SPAG17: variants seen among roughly 807,000 people sequenced by gnomAD.
SPAG17 encodes sperm-associated antigen 17.
In SPAG17, 169 loss-of-function variants were observed where a neutral mutation model predicts 273.6. The ratio of observed to expected loss-of-function variants is 0.62; its 90% confidence interval spans 0.55 to 0.70. The LOEUF is 0.70. Among genes scored for constraint, SPAG17 ranks in the 30% least tolerant of loss-of-function variants. SPAG17 has a pLI of 0.00. For synonymous variants in SPAG17, 825 were observed against 873.2 expected (o/e 0.94, Z 0.97); for missense variants, 2,557 against 2,627.8 (o/e 0.97, Z 0.59).
At chr1:118,069,684 A>G (rs1468251435) in intron 17 of SPAG17, among the ~76,000 whole-genome samples, 1 of 152,226 alleles carries the variant, frequency 6.6e-6, no homozygotes, top group African/African-American at 2.4e-5. Context: ...GGGCATCAGC[A>G]TTAGATAGTA....
intron 43 of SPAG17, among the ~76,000 whole-genome samples, chr1:117,977,728 G>A (rs775438086): frequency 1.3e-5 from 2 of 152,110 alleles, no homozygotes; most frequent in Non-Finnish European, 2.9e-5. Context: ...TGCAGTAGGT[G>A]TTTCAAATAA....
In SPAG17 at chr1:118,086,649, G is replaced by A. The variant is rs376195226; in HGVS notation, c.1611+22C>T. ...ACACTTTCCCACATCGGTTTTCCTTGGGCTAACCTGATTATTATTACCTGT... is the reference window on the plus strand; with the variant it reads ...ACACTTTCCCACATCGGTTTTCCTTAGGCTAACCTGATTATTATTACCTGT... On this transcript the variant is annotated intron_variant, in intron 12 of 48. Transcript: ENST00000336338. The A allele has an allele frequency of 3.1e-6, 5 of 1,602,238 alleles. No homozygotes were observed. In the African/African-American group the frequency reaches 5.4e-5, roughly 17 times the overall value.
At chr1:118,052,943 C>A (rs1651232580) in intron 20 of SPAG17, among the ~76,000 whole-genome samples, 1 of 151,882 alleles carries the variant, frequency 6.6e-6, no homozygotes, top group Admixed American at 6.6e-5. Context: ...AGGTTCTACT[C>A]TCAAAGATGC....
intron 45 of SPAG17, chr1:117,971,653 T>C (rs2101509578): frequency 2.5e-6 from 1 of 403,616 alleles, no homozygotes; most frequent in Non-Finnish European, 4.4e-6. Flanking sequence ...CAAGGAAGTA[T>C]CTACCATATA....
chr1:118,039,923 G>A (rs10923476), intron 22 of SPAG17, among the ~76,000 whole-genome samples: 55,927 of 151,962 alleles, frequency 0.37, 11,463 homozygotes, highest in Non-Finnish European at 0.46. Flanking sequence ...GGAGGTATTT[G>A]CAGGCCTTCT....
At chr1:117,980,134 T>C (rs958353870) in intron 43 of SPAG17, among the ~76,000 whole-genome samples, 4 of 152,228 alleles carry the variant, frequency 2.6e-5, no homozygotes, top group African/African-American at 7.2e-5. Flanking sequence ...ACAGTAGGCA[T>C]TGAGTAATTA....
chr1:118,039,511 G>T, intron 22 of SPAG17, 67 bp from the exon 23 acceptor site: 1 of 1,499,428 alleles, frequency 6.7e-7, no homozygotes, highest in East Asian at 2.3e-5. Context: ...TCGACAAGAT[G>T]GTTACACAAT....
chr1:118,092,175 G>C (rs1235389347), intron 8 of SPAG17, among the ~76,000 whole-genome samples, 173 bp from the exon 9 acceptor site: 1 of 152,162 alleles, frequency 6.6e-6, no homozygotes, highest in Non-Finnish European at 1.5e-5. Context: ...CTTGATGAAG[G>C]AAAGAAGGTA....
intron 30 of SPAG17, among the ~76,000 whole-genome samples, chr1:118,009,539 C>T (rs1005837219): frequency 6.6e-6 from 1 of 152,106 alleles, no homozygotes; most frequent in Non-Finnish European, 1.5e-5. Context: ...CTGATGCCAC[C>T]TTTCTGACGA....
intron 24 of SPAG17, among the ~76,000 whole-genome samples, chr1:118,032,557 T>C (rs1050782341): frequency 3.3e-5 from 5 of 151,854 alleles, no homozygotes; most frequent in Non-Finnish European, 5.9e-5. Flanking sequence ...CTACTTACTC[T>C]TTTGTCAGTC....
At chr1:117,989,139 A>T (rs1221038988) in intron 38 of SPAG17, among the ~76,000 whole-genome samples, 1 of 152,214 alleles carries the variant, frequency 6.6e-6, no homozygotes, top group Non-Finnish European at 1.5e-5. Flanking sequence ...TAAACAAACA[A>T]CTTTTTATTA....
rs776688730 is a variant in SPAG17, at chr1:118,151,367, G to A, written c.90C>T (p.Asn30=). 5.6e-6 allele frequency: 9 copies of A among 1,610,808 alleles called. No homozygotes were observed. The highest frequency in any genetic ancestry group is 2.7e-5 in the African/African-American group (2 of 74,814). The change falls in exon 2 of 49, where the codon AAC becomes AAT. Residue 30 remains asparagine (N), a splice_region_variant and synonymous_variant. Coordinates refer to ENST00000336338, the MANE Select transcript of SPAG17 (RefSeq NM_206996.4). ...PSLIAAQFNQ[N]DWQASIAFVV... is the part of the protein sequence containing the mutation. ...CAAAAGCAATGGAGGCCTGCCAATC[G>A]TTCTATTAAAAATCAGACGGAATTA...
At chr1:117,994,674 A>G in intron 34 of SPAG17, 144 bp from the exon 35 acceptor site, 1 of 790,248 alleles carries the variant, frequency 1.3e-6, no homozygotes, top group Non-Finnish European at 1.9e-6. Flanking sequence ...ATACTTAGGA[A>G]CCTTACAATC....
intron 3 of SPAG17, among the ~76,000 whole-genome samples, chr1:118,127,502 A>T (rs868598770): frequency 9.8e-5 from 15 of 152,304 alleles, no homozygotes; most frequent in Middle Eastern, 3.4e-3. Context: ...CTCTAAGGGG[A>T]TAGCCCAAGC....
intron 20 of SPAG17, among the ~76,000 whole-genome samples, chr1:118,049,064 G>A (rs184190372): frequency 3.4e-4 from 51 of 152,180 alleles, no homozygotes; most frequent in African/African-American, 1.2e-3. Context: ...AATAACAACT[G>A]AGAGACTGAA....
intron 24 of SPAG17, among the ~76,000 whole-genome samples, chr1:118,035,289 C>T (rs1026038025): frequency 6.6e-6 from 1 of 152,124 alleles, no homozygotes; most frequent in Non-Finnish European, 1.5e-5. Context: ...GGACTGATTA[C>T]ATATTAATTT....
intron 1 of SPAG17, among the ~76,000 whole-genome samples, chr1:118,168,982 C>A (rs1018010508): frequency 1.3e-5 from 2 of 152,118 alleles, no homozygotes; most frequent in Admixed American, 6.5e-5. Flanking sequence ...GAAAGCTGGG[C>A]AGAACACCTT....
At position 118,073,885 on chromosome 1, in the gene SPAG17, G is replaced by C; in HGVS notation, c.2354C>G (p.Thr785Ser). 6.3e-7 allele frequency: 1 copy of C among 1,580,830 alleles called. No individual in the cohort carries two copies. Among genetic ancestry groups the C allele is most frequent in the Non-Finnish European group, 8.6e-7 (1 of 1,168,996 alleles). ...QQRSLMDWSF[T>S]EHFKPKVLLQ... ...CAGTACTTTCGGTTTAAAATGTTCAGTAAAACTCCAGTCCATTAGACTGCG... is the reference window on the plus strand; with the variant it reads ...CAGTACTTTCGGTTTAAAATGTTCACTAAAACTCCAGTCCATTAGACTGCG... The change falls in exon 17 of 49, where the codon ACT (threonine) becomes AGT (serine). Residue 785 changes from threonine (T) to serine (S), a missense_variant. By Grantham distance (58) the Thr-to-Ser change is moderately conservative. Transcript: ENST00000336338.
At chr1:117,994,108 G>C (rs572771245) in intron 35 of SPAG17, among the ~76,000 whole-genome samples, 105 of 152,260 alleles carry the variant, frequency 6.9e-4, no homozygotes, top group African/African-American at 2.5e-3. Context: ...TTCCATGACA[G>C]AGGTGTAACC....
Sources: allele counts gnomAD v4.1 joint callset (sites outside exome capture counted in the v4.1 genomes callset), GRCh38; gene constraint gnomAD v4.1.1; transcripts MANE v1.5; gene names NCBI Gene and HGNC (gene_info 2026-07-23, HGNC 2026-07-21).